The following KANK1 variants were observed in gnomAD, a reference collection of about 807,000 sequenced individuals.
KANK1 encodes the protein KN motif and ankyrin repeat domains 1.
Under a neutral mutation model 106.2 loss-of-function variants are expected in KANK1, and 109 were observed. That is an observed-to-expected ratio of 1.03 (90% CI 0.88 to 1.20). The LOEUF (loss-of-function observed/expected upper bound fraction) is 1.20. Among genes scored for constraint, KANK1 ranks in the 50% most tolerant of loss-of-function variants. KANK1 has a pLI of 0.00. For missense variants in KANK1, 2,399 were observed against 1,710.7 expected (o/e 1.40, Z -7.10); for synonymous variants, 873 against 652.2 (o/e 1.34, Z -5.16).
rs559127490 is a variant in KANK1 at position 682,724 on chromosome 9, A to G, written c.37+5715A>G. Reference sequence around the variant, plus strand: ...CAGGATGACTGGGTTAAAGGGCACAATGTTTTCATGGCTTTAGTAACTGTT... The same window carrying G: ...CAGGATGACTGGGTTAAAGGGCACAGTGTTTTCATGGCTTTAGTAACTGTT... On this transcript the variant is annotated intron_variant, in intron 2 of 11. Transcript: ENST00000382297. Among the ~76,000 whole-genome samples, 55 of 152,232 alleles carry G rather than the reference A, an allele frequency of 3.6e-4. 2 individuals are homozygous for G. In the South Asian group the frequency reaches 7.7e-3, roughly 21 times the overall value.
chr9:648,462 A>G (rs922778787), intron 1 of KANK1, among the ~76,000 whole-genome samples: 3 of 152,190 alleles, frequency 2.0e-5, no homozygotes, highest in Non-Finnish European at 2.9e-5. Context: ...AAATGTACCA[A>G]TTCCTTTTTT....
chr9:740,736 GGCT>G (rs1564132457), intron 8 of KANK1, 53 bp from the exon 9 acceptor site: 85 of 1,570,390 alleles, frequency 5.4e-5, no homozygotes, highest in Non-Finnish European at 7.0e-5. Flanking sequence ...CTTCGTAAGC[GGCT>G]GCTATTAGAA....
At chr9:715,399 C>T (rs1398280123) in intron 3 of KANK1, among the ~76,000 whole-genome samples, 2 of 152,108 alleles carry the variant, frequency 1.3e-5, no homozygotes, top group Admixed American at 6.6e-5. Context: ...ATTATAAAAG[C>T]ATTTTGTTCC....
intron 1 of KANK1, among the ~76,000 whole-genome samples, chr9:624,811 A>G (rs114029068): frequency 0.031 from 4,774 of 152,024 alleles, 247 homozygotes; most frequent in African/African-American, 0.11. Context: ...AAAACAAACA[A>G]AAACAATATC....
chr9:487,103 A>T (rs1250556457), intron 3 of KANK1, among the ~76,000 whole-genome samples: 1 of 152,274 alleles, frequency 6.6e-6, no homozygotes, highest in South Asian at 2.1e-4. Flanking sequence ...CAGCCAGTGG[A>T]TATATACAAG....
chr9:732,657 T>C, intron 6 of KANK1, 40 bp downstream of exon 6: 1 of 1,597,490 alleles, frequency 6.3e-7, no homozygotes, highest in Non-Finnish European at 8.6e-7. Context: ...CCCTCCCACA[T>C]TTAATGTACT....
chr9:547,636 C>A (rs533229990), intron 1 of KANK1, among the ~76,000 whole-genome samples: 9 of 151,646 alleles, frequency 5.9e-5, no homozygotes, highest in South Asian at 2.1e-4. Flanking sequence ...AGGCCTCTTT[C>A]TATTAAATTG....
intron 2 of KANK1, among the ~76,000 whole-genome samples, chr9:680,703 A>C (rs1817374362): frequency 6.6e-6 from 1 of 152,148 alleles, no homozygotes; most frequent in Admixed American, 6.5e-5. Flanking sequence ...TGCCAGAAGA[A>C]AAAATACTAA....
intron 1 of KANK1, among the ~76,000 whole-genome samples, chr9:548,826 C>G (rs915649910): frequency 6.6e-6 from 1 of 152,046 alleles, no homozygotes; most frequent in Non-Finnish European, 1.5e-5. Flanking sequence ...CACCTGTAAT[C>G]CCAGCACTTT....
intron 2 of KANK1, among the ~76,000 whole-genome samples, chr9:705,085 C>CT (rs1823711955): frequency 6.6e-6 from 1 of 151,578 alleles, no homozygotes; most frequent in Non-Finnish European, 1.5e-5. Flanking sequence ...ATTCCACAAC[C>CT]TAAAGATAAC....
intron 1 of KANK1, among the ~76,000 whole-genome samples, chr9:596,076 A>G (rs970149676): frequency 6.6e-6 from 1 of 151,826 alleles, no homozygotes; most frequent in African/African-American, 2.4e-5. Context: ...ACTGAAGGTA[A>G]CTTTATACAA....
At position 734,737 on chromosome 9, in the gene KANK1, TCTC is replaced by T. The variant is rs1210693255; in HGVS notation, c.3246-8_3246-6del. 6.3e-7 allele frequency: 1 copy of T among 1,577,902 alleles called. No homozygotes were observed. The highest frequency in any genetic ancestry group is 1.1e-5 in the South Asian group (1 of 90,080). ...TTGTGACCAATCGTAACTTGTTTTT[TCTC>T]CTTTCAGGTATGAATTAAGTGAAAA... On this transcript the variant is annotated splice_region_variant and splice_polypyrimidine_tract_variant and intron_variant, in intron 6 of 11. Transcript: ENST00000382297.
chr9:715,767 A>G (rs965011890), intron 3 of KANK1, among the ~76,000 whole-genome samples: 1 of 152,184 alleles, frequency 6.6e-6, no homozygotes, highest in Non-Finnish European at 1.5e-5. Flanking sequence ...TGCACATCAT[A>G]TTTGTGTTTT....
intron 1 of KANK1, among the ~76,000 whole-genome samples, chr9:593,561 A>C (rs1306060019): frequency 6.6e-6 from 1 of 151,024 alleles, no homozygotes; most frequent in Admixed American, 6.6e-5. Flanking sequence ...GGCTGGTGGC[A>C]AAAAAACCAG....
intron 1 of KANK1, among the ~76,000 whole-genome samples, chr9:657,868 T>G (rs1457815970): frequency 6.6e-6 from 1 of 151,978 alleles, no homozygotes; most frequent in African/African-American, 2.4e-5. Context: ...GGCATGAGCC[T>G]TTCTGTTTTC....
chr9:540,762 C>G (rs1020939557), intron 1 of KANK1: 3 of 152,144 alleles, frequency 2.0e-5, no homozygotes, highest in African/African-American at 7.2e-5. Flanking sequence ...TTGTATGTTT[C>G]TAGGAATTTA....
chr9:715,407 TC>T (rs1168297045), intron 3 of KANK1, among the ~76,000 whole-genome samples: 1 of 152,186 alleles, frequency 6.6e-6, no homozygotes, highest in Admixed American at 6.5e-5. Context: ...AGCATTTTGT[TC>T]CCAGCCTTCC....
At chr9:602,158 A>G (rs1588152832) in intron 1 of KANK1, among the ~76,000 whole-genome samples, 1 of 152,034 alleles carries the variant, frequency 6.6e-6, no homozygotes, top group African/African-American at 2.4e-5. Context: ...ATACTTTTAC[A>G]TTGATAGGAT....
chr9:503,919 C>T (rs2058616994), upstream of KANK1, among the ~76,000 whole-genome samples: 1 of 152,220 alleles, frequency 6.6e-6, no homozygotes. Flanking sequence ...TCCCCAGAGA[C>T]CTGCAACCTT....
Sources: gnomAD v4.1 joint callset for allele counts (sites outside exome capture counted in the v4.1 genomes callset) on GRCh38, gnomAD v4.1.1 for gene constraint, MANE v1.5 for transcripts, NCBI Gene and HGNC (gene_info 2026-07-23, HGNC 2026-07-21) for gene names.